EPHB1: variants seen among roughly 807,000 people sequenced by gnomAD.
The protein encoded by EPHB1 is ephrin type-B receptor 1.
EPHB1 carries 30 observed loss-of-function variants against 94.4 expected under a neutral mutation model. The observed-to-expected ratio is 0.32, with a 90% CI of 0.24 to 0.43. The LOEUF is 0.43. EPHB1 is among the 20% of genes least tolerant of loss of function. The pLI is 1.00. For missense variants in EPHB1, 1,055 were observed against 1,308.3 expected (o/e 0.81, Z 2.99); for synonymous variants, 522 against 489.1 (o/e 1.07, Z -0.89).
At chr3:135,115,708 C>T (rs552990596) in intron 4 of EPHB1, among the ~76,000 whole-genome samples, 1 of 152,222 alleles carries the variant, frequency 6.6e-6, no homozygotes, top group South Asian at 2.1e-4. Flanking sequence ...ACAGTGTGGC[C>T]TTGGGTAGGT....
At chr3:134,982,343 A>G (rs1291104024) in intron 3 of EPHB1, among the ~76,000 whole-genome samples, 1 of 152,208 alleles carries the variant, frequency 6.6e-6, no homozygotes, top group African/African-American at 2.4e-5. Context: ...GAAAGGGAGA[A>G]TAGAGAAAAG....
chr3:134,905,940 A>G (rs2038315088), intron 1 of EPHB1, among the ~76,000 whole-genome samples: 1 of 151,952 alleles, frequency 6.6e-6, no homozygotes, highest in Admixed American at 6.6e-5. Flanking sequence ...GCAGTATTGA[A>G]TTTTCTCTTG....
intron 3 of EPHB1, among the ~76,000 whole-genome samples, chr3:135,032,836 G>A (rs1458183984): frequency 6.6e-6 from 1 of 152,156 alleles, no homozygotes; most frequent in Non-Finnish European, 1.5e-5. Flanking sequence ...CAGTGACAAA[G>A]AAGCTCATGT....
chr3:135,011,451 T>C (rs1041808440), intron 3 of EPHB1, among the ~76,000 whole-genome samples: 7 of 152,202 alleles, frequency 4.6e-5, no homozygotes, highest in African/African-American at 1.2e-4. Context: ...TGAATAGTTT[T>C]CTGTTATATT....
intron 4 of EPHB1, among the ~76,000 whole-genome samples, chr3:135,132,504 G>T (rs1372390995): frequency 6.6e-6 from 1 of 152,176 alleles, no homozygotes; most frequent in Non-Finnish European, 1.5e-5. Flanking sequence ...CCTCAGTGAA[G>T]ATGACTGAAA....
chr3:134,839,068 G>T (rs1003057641), intron 1 of EPHB1, among the ~76,000 whole-genome samples: 2 of 152,158 alleles, frequency 1.3e-5, no homozygotes, highest in East Asian at 3.8e-4. Flanking sequence ...TGTATCAAGC[G>T]TTTTATATAT....
chr3:134,814,083 C>A (rs2036223684), intron 1 of EPHB1, among the ~76,000 whole-genome samples: 1 of 152,186 alleles, frequency 6.6e-6, no homozygotes, highest in African/African-American at 2.4e-5. Flanking sequence ...TCCTGTCACA[C>A]TGCCCAGGAT....
intron 3 of EPHB1, among the ~76,000 whole-genome samples, chr3:134,967,748 A>G (rs1440450117): frequency 6.6e-6 from 1 of 152,224 alleles, no homozygotes; most frequent in Non-Finnish European, 1.5e-5. Flanking sequence ...TTTAGTTATA[A>G]CAACAGAAAA....
chr3:134,998,374 A>G (rs1421576891), intron 3 of EPHB1, among the ~76,000 whole-genome samples: 2 of 152,230 alleles, frequency 1.3e-5, no homozygotes, highest in Admixed American at 6.5e-5. Flanking sequence ...GACTCACAAC[A>G]TAGCCCAGTT....
At chr3:134,903,164 T>C (rs2038238696) in intron 1 of EPHB1, among the ~76,000 whole-genome samples, 1 of 152,160 alleles carries the variant, frequency 6.6e-6, no homozygotes, top group Admixed American at 6.5e-5. Flanking sequence ...TAAATAGAAA[T>C]AAAAGTGCGG....
At chr3:134,969,012 A>G (rs1037275894) in intron 3 of EPHB1, among the ~76,000 whole-genome samples, 1 of 152,170 alleles carries the variant, frequency 6.6e-6, no homozygotes, top group Non-Finnish European at 1.5e-5. Context: ...GAGGACATAC[A>G]TTTTCATTTC....
At chr3:134,977,241 G>A (rs1189949551) in intron 3 of EPHB1, among the ~76,000 whole-genome samples, 1 of 152,198 alleles carries the variant, frequency 6.6e-6, no homozygotes, top group Non-Finnish European at 1.5e-5. Context: ...GGGATGTGAA[G>A]GAGAATGCCT....
At chr3:135,127,477 C>T (rs1308379763) in intron 4 of EPHB1, among the ~76,000 whole-genome samples, 1 of 152,154 alleles carries the variant, frequency 6.6e-6, no homozygotes. Context: ...TCCCAGGACA[C>T]AGACCCTGGC....
At chr3:134,805,478 C>T (rs1302751799) in intron 1 of EPHB1, among the ~76,000 whole-genome samples, 2 of 152,146 alleles carry the variant, frequency 1.3e-5, no homozygotes, top group African/African-American at 4.8e-5. Flanking sequence ...GTTGCTGGCT[C>T]CCTAGCACCT....
At chr3:134,881,968 T>A (rs1436010875) in intron 1 of EPHB1, among the ~76,000 whole-genome samples, 1 of 152,098 alleles carries the variant, frequency 6.6e-6, no homozygotes, top group Non-Finnish European at 1.5e-5. Flanking sequence ...AAACAAAAAA[T>A]TCATGGAATG....
chr3:135,197,050 G>A (rs1942638777), intron 11 of EPHB1, among the ~76,000 whole-genome samples: 1 of 150,728 alleles, frequency 6.6e-6, no homozygotes, highest in African/African-American at 2.4e-5. Context: ...TTGAGCCCAG[G>A]AGTTTGAGAC....
Position 135,201,439 on chromosome 3 carries a change from G to T in EPHB1, c.2131-35G>T, listed in dbSNP as rs373369590. 2.6e-5 allele frequency: 42 copies of T among 1,609,294 alleles called. No individual in the cohort carries two copies. The South Asian group carries it at 4.1e-4, about 16-fold the overall frequency. On this transcript the variant is annotated intron_variant, in intron 11 of 15. Transcript: ENST00000398015. ...TCCCTCTGCTTAACCATTGAAGCCCGTCTTGATCCCAATGCCCTCTATGTC... is the reference window on the plus strand; with the variant it reads ...TCCCTCTGCTTAACCATTGAAGCCCTTCTTGATCCCAATGCCCTCTATGTC...
At chr3:134,803,911 C>T (rs184452436) in intron 1 of EPHB1, among the ~76,000 whole-genome samples, 109 of 152,246 alleles carry the variant, frequency 7.2e-4, no homozygotes, top group African/African-American at 2.5e-3. Flanking sequence ...TGTCAATGCT[C>T]GGACCCTGTG....
At position 135,211,792 on chromosome 3, in the gene EPHB1, G is replaced by A. The variant is rs1011559253; in HGVS notation, c.2346+10103G>A. Among the ~76,000 whole-genome samples, 4 of 152,126 alleles carry A rather than the reference G, an allele frequency of 2.6e-5. No individual in the cohort carries two copies. The East Asian group carries it at 7.7e-4, about 29-fold the overall frequency. On this transcript the variant is annotated intron_variant, in intron 12 of 15. Transcript: ENST00000398015. Reference sequence around the variant, plus strand: ...CTCATTATCTTTAGTTTTTACCTTGGCTATGATATGCCTGAGCATACTTTT... The same window carrying A: ...CTCATTATCTTTAGTTTTTACCTTGACTATGATATGCCTGAGCATACTTTT...
Sources: gnomAD v4.1 joint callset for allele counts (sites outside exome capture counted in the v4.1 genomes callset) on GRCh38, gnomAD v4.1.1 for gene constraint, MANE v1.5 for transcripts, NCBI Gene and HGNC (gene_info 2026-07-23, HGNC 2026-07-21) for gene names.